The following DOCK3 variants were observed in gnomAD, a reference collection of about 807,000 sequenced individuals.
DOCK3 encodes the protein dedicator of cytokinesis 3.
A neutral mutation model predicts 265.6 loss-of-function variants in DOCK3; 60 were observed. That is an observed-to-expected ratio of 0.23 (90% CI 0.18 to 0.28). The LOEUF is 0.28. Ranked by LOEUF, DOCK3 falls within the 10% of genes least tolerant of loss-of-function variation. The probability of loss-of-function intolerance (pLI) is 1.00; values close to 1 mark genes in which losing one functional copy is unlikely to be tolerated. For synonymous variants in DOCK3, 881 were observed against 938.0 expected (o/e 0.94, Z 1.11); for missense variants, 1,981 against 2,594.3 (o/e 0.76, Z 5.14).
At chr3:51,152,025 A>T (rs2085624820) in intron 10 of DOCK3, among the ~76,000 whole-genome samples, 1 of 151,998 alleles carries the variant, frequency 6.6e-6, no homozygotes, top group African/African-American at 2.4e-5. Flanking sequence ...GTATTTCCTG[A>T]ATTTGAATGT....
chr3:50,734,137 T>TCTACCTATCTAC (rs1249744362), intron 1 of DOCK3, among the ~76,000 whole-genome samples: 1 of 152,216 alleles, frequency 6.6e-6, no homozygotes, highest in African/African-American at 2.4e-5. Flanking sequence ...TGTCTCTCTG[T>TCTACCTATCTAC]CTACCTATCT....
At chr3:50,896,201 G>A (rs770844859) in intron 4 of DOCK3, among the ~76,000 whole-genome samples, 7 of 152,018 alleles carry the variant, frequency 4.6e-5, no homozygotes, top group Non-Finnish European at 8.8e-5. Context: ...TCTAACTGGC[G>A]TGAGATGGTA....
intron 9 of DOCK3, among the ~76,000 whole-genome samples, chr3:51,137,500 G>A (rs1206538832): frequency 6.6e-6 from 1 of 152,178 alleles, no homozygotes. Context: ...TTAGTGCCGG[G>A]CATGGGCTGA....
Position 51,360,650 on chromosome 3 carries a change from G to C in DOCK3, c.5006+18G>C, listed in dbSNP as rs865991343. 6.2e-7 allele frequency: 1 copy of C among 1,613,570 alleles called. No homozygotes were observed. The highest frequency in any genetic ancestry group is 1.1e-5 in the South Asian group (1 of 90,964). On this transcript the variant is annotated intron_variant, in intron 47 of 52. Coordinates refer to ENST00000266037, the MANE Select transcript of DOCK3 (RefSeq NM_004947.5). ...CGGCACAGGTATGGCCTTAGGGCTG[G>C]GGAGGGTTCCCTCTGGAGAGGTGAG...
chr3:51,281,929 T>C (rs772437943), intron 27 of DOCK3, among the ~76,000 whole-genome samples: 3 of 152,146 alleles, frequency 2.0e-5, no homozygotes, highest in Non-Finnish European at 4.4e-5. Flanking sequence ...AGACAAAGGA[T>C]TCCTCAGCAA....
chr3:50,891,339 T>C (rs1185159948), intron 4 of DOCK3, among the ~76,000 whole-genome samples: 2 of 152,046 alleles, frequency 1.3e-5, no homozygotes, highest in Non-Finnish European at 2.9e-5. Flanking sequence ...GTTGGGGAAA[T>C]AGTAAGAATA....
intron 1 of DOCK3, among the ~76,000 whole-genome samples, chr3:50,743,367 CTAA>C (rs1246940443): frequency 6.6e-6 from 1 of 151,786 alleles, no homozygotes; most frequent in Non-Finnish European, 1.5e-5. Context: ...TGTAAATGGA[CTAA>C]AAGCTCCAAT....
chr3:51,023,566 C>T (rs2079688042), intron 5 of DOCK3, among the ~76,000 whole-genome samples: 1 of 152,106 alleles, frequency 6.6e-6, no homozygotes. Context: ...CAGGTGCACA[C>T]CACCATGCCC....
chr3:50,936,961 A>T (rs1158004443), intron 5 of DOCK3, among the ~76,000 whole-genome samples: 3 of 152,164 alleles, frequency 2.0e-5, no homozygotes, highest in Admixed American at 2.0e-4. Context: ...TACAGTTCTC[A>T]GTGTATGTTG....
In DOCK3 at chr3:51,346,575, T is replaced by TTGTGAATGTGCTGCAATAAACATACG. The variant is rs771844667; in HGVS notation, c.3916-2272_3916-2247dup. Among the ~76,000 whole-genome samples, 421 of 152,322 alleles carry TTGTGAATGTGCTGCAATAAACATACG rather than the reference T, an allele frequency of 2.8e-3. 1 individual carries two copies. The highest frequency in any genetic ancestry group is 4.5e-3 in the Admixed American group (69 of 15,302). On this transcript the variant is annotated intron_variant, in intron 38 of 52. Transcript: ENST00000266037. ...CTGGGTTGGTTCCAAGTCTTTGCTA[T>TTGTGAATGTGCTGCAATAAACATACG]TGTGAATGTGCTGCAATAAACATAC...
chr3:51,052,623 C>G (rs533686904), intron 5 of DOCK3, among the ~76,000 whole-genome samples: 3 of 152,272 alleles, frequency 2.0e-5, no homozygotes. Context: ...AAGGACTGAG[C>G]CTGCTGCATG....
At chr3:50,872,459 C>T (rs930705598) in intron 3 of DOCK3, among the ~76,000 whole-genome samples, 1 of 152,344 alleles carries the variant, frequency 6.6e-6, no homozygotes, top group East Asian at 1.9e-4. Context: ...TCTGTGGTCA[C>T]CACCACTAGG....
At chr3:50,787,273 C>G (rs1339058524) in intron 2 of DOCK3, 1 of 472,626 alleles carries the variant, frequency 2.1e-6, no homozygotes, top group African/African-American at 2.0e-5. Context: ...CTGGGGCACA[C>G]GCCTGTAATC....
intron 32 of DOCK3, 150 bp downstream of exon 32, chr3:51,315,278 G>A: frequency 9.7e-7 from 1 of 1,028,340 alleles, no homozygotes; most frequent in Non-Finnish European, 1.3e-6. Flanking sequence ...CTTACTTGCT[G>A]GCCAAAATTG....
At chr3:51,096,582 T>G (rs549792663) in intron 9 of DOCK3, among the ~76,000 whole-genome samples, 33 of 152,352 alleles carry the variant, frequency 2.2e-4, no homozygotes, top group African/African-American at 7.7e-4. Context: ...TGCATTGGGT[T>G]AGAACATGCT....
chr3:50,748,084 T>G lies in DOCK3; in HGVS notation c.38-30591T>G, dbSNP rs185921679. 2.2e-3 allele frequency among the ~76,000 whole-genome samples: 339 copies of G among 152,294 alleles called. 1 individual carries two copies. Among genetic ancestry groups the G allele is most frequent in the African/African-American group, 7.9e-3 (329 of 41,568 alleles). On this transcript the variant is annotated intron_variant, in intron 1 of 52. Coordinates refer to ENST00000266037, the MANE Select transcript of DOCK3 (RefSeq NM_004947.5). ...CTTTCCTTTTCAATTTGTATGCCTTTTATTTATTTTTTTCCTACCTGCCTG... is the reference window on the plus strand; with the variant it reads ...CTTTCCTTTTCAATTTGTATGCCTTGTATTTATTTTTTTCCTACCTGCCTG...
At chr3:51,312,812 C>T (rs1232865569) in intron 30 of DOCK3, 32 bp from the exon 31 acceptor site, 8 of 1,596,944 alleles carry the variant, frequency 5.0e-6, no homozygotes, top group Admixed American at 3.5e-5. Flanking sequence ...CCTTCTCCCA[C>T]TAACGGTTGG....
At chr3:50,971,727 T>G (rs189434130) in intron 5 of DOCK3, among the ~76,000 whole-genome samples, 199 of 152,352 alleles carry the variant, frequency 1.3e-3, no homozygotes, top group Non-Finnish European at 2.1e-3. Context: ...AGCTCTCTGT[T>G]GCCTCAGGAA....
At chr3:50,690,880 A>G (rs1419730320) in intron 1 of DOCK3, among the ~76,000 whole-genome samples, 2 of 151,658 alleles carry the variant, frequency 1.3e-5, no homozygotes, top group Non-Finnish European at 2.9e-5. Flanking sequence ...TGACTTCGTG[A>G]TCCACCCACC....
Sources: gnomAD v4.1 joint callset for allele counts (sites outside exome capture counted in the v4.1 genomes callset) on GRCh38, gnomAD v4.1.1 for gene constraint, MANE v1.5 for transcripts, NCBI Gene and HGNC (gene_info 2026-07-23, HGNC 2026-07-21) for gene names.